VMO1: variants seen among roughly 807,000 people sequenced by gnomAD.
VMO1 encodes vitelline membrane outer layer protein 1 homolog.
Under a neutral mutation model 10.1 loss-of-function variants are expected in VMO1, and 13 were observed. The ratio of observed to expected loss-of-function variants is 1.29; its 90% confidence interval spans 0.84 to 2.05. The LOEUF (loss-of-function observed/expected upper bound fraction) is 2.05. VMO1 is among the 30% of genes most tolerant of loss of function. The pLI, the probability that VMO1 is intolerant of heterozygous loss-of-function variation, is 0.00. For synonymous variants in VMO1, 117 were observed against 122.2 expected, an observed-to-expected ratio of 0.96 and a Z score of 0.28; for missense variants, 304 against 276.9, an observed-to-expected ratio of 1.10 and a Z score of -0.70.
rs756015061 is a variant in VMO1 at position 4,786,030 on chromosome 17, G to A, written c.218C>T (p.Pro73Leu). ...CCCATTCAGTGCAGTGTCGTCGCCA[G>A]GAATGCCTTGGGGAGGCTCCACCTG... The part of the protein sequence containing the change: ...SLKVEPPQGI[P>L]GDDTALNGIR... Residue 73 changes from proline to leucine, a missense_variant, in exon 2 of 3, where the codon CCT becomes CTT. Coordinates refer to ENST00000328739, the MANE Select transcript of VMO1 (RefSeq NM_182566.3). 1.2e-5 allele frequency: 19 copies of A among 1,614,118 alleles called. No individual in the cohort carries two copies. The African/African-American group carries it at 1.9e-4, about 16-fold the overall frequency.
Position 4,785,540 on chromosome 17 carries a change from A to G in VMO1, c.431T>C (p.Phe144Ser). 6.2e-7 allele frequency: 1 copy of G among 1,614,196 alleles called. No individual in the cohort carries two copies. ...GDNTAANNVR[F>S]RCSDGEELQG... ...CAGTTCCTCGCCGTCTGAACAGCGGAAGCGCACGTTGTTCGCTGCTGTGTT... is the reference window on the plus strand; with the variant it reads ...CAGTTCCTCGCCGTCTGAACAGCGGGAGCGCACGTTGTTCGCTGCTGTGTT... Residue 144 changes from phenylalanine to serine, a missense_variant, in exon 3 of 3, where the codon TTC (phenylalanine) becomes TCC (serine). Phe to Ser is a radical substitution (Grantham distance 155). Coordinates refer to ENST00000328739, the MANE Select transcript of VMO1 (RefSeq NM_182566.3).
rs1319434660 is a variant in VMO1, at chr17:4,785,296, AAGCTTTAAT to A, written c.*57_*65del. On this transcript the variant is annotated 3_prime_UTR_variant, in exon 3 of 3. Transcript: ENST00000328739. ...AGGCGAGACCAAAGTCAACTCAGAG[AAGCTTTAAT>A]AGCAAGAGGTGGGACTAGCCTCCTG... 15 of 1,518,120 alleles carry A rather than the reference AAGCTTTAAT, an allele frequency of 9.9e-6. No individual in the cohort carries two copies. The highest frequency in any genetic ancestry group is 2.6e-6 in the Non-Finnish European group (3 of 1,138,166). 94.0% of individuals were successfully genotyped at this position (1,518,120 alleles called of 1,614,324 possible).
At position 4,785,329 on chromosome 17, in the gene VMO1, T is replaced by C. The variant is rs984384260; in HGVS notation, c.*33A>G. 14 of 1,581,280 alleles carry C rather than the reference T, an allele frequency of 8.9e-6. No homozygotes were observed. Among genetic ancestry groups the C allele is most frequent in the Non-Finnish European group, 1.2e-5 (14 of 1,163,810 alleles). On this transcript the variant is annotated 3_prime_UTR_variant, in exon 3 of 3. Coordinates refer to ENST00000328739, the MANE Select transcript of VMO1 (RefSeq NM_182566.3). ...ATAGCAAGAGGTGGGACTAGCCTCCTGGCCCGGGAGAGAGCGGCGGCGGCG... is the reference window on the plus strand; with the variant it reads ...ATAGCAAGAGGTGGGACTAGCCTCCCGGCCCGGGAGAGAGCGGCGGCGGCG...
rs1296235569 is a variant in VMO1, at chr17:4,785,312, A to T, written c.*50T>A. 8 of 1,544,948 alleles carry T rather than the reference A, an allele frequency of 5.2e-6. No homozygotes were observed. Among genetic ancestry groups the T allele is most frequent in the Non-Finnish European group, 7.0e-6 (8 of 1,150,480 alleles). On this transcript the variant is annotated 3_prime_UTR_variant, in exon 3 of 3. Transcript: ENST00000328739. ...AACTCAGAGAAGCTTTAATAGCAAG[A>T]GGTGGGACTAGCCTCCTGGCCCGGG...
rs769628528 is a variant in VMO1 at position 4,785,360 on chromosome 17, G to A, written c.*2C>T. The A allele has an allele frequency of 4.4e-6, 7 of 1,599,828 alleles. No individual in the cohort carries two copies. The highest frequency in any genetic ancestry group is 6.0e-6 in the Non-Finnish European group (7 of 1,171,428). ...GGGAGAGAGCGGCGGCGGCGGCGCC[G>A]TTCAACTGCGGCAGCAGAATAAGCG... On this transcript the variant is annotated 3_prime_UTR_variant, in exon 3 of 3. Transcript: ENST00000328739.
Position 4,786,358 on chromosome 17 carries a change from A to G in VMO1, c.-6T>C, listed in dbSNP as rs188599316. On this transcript the variant is annotated 5_prime_UTR_variant, in exon 1 of 3. Coordinates refer to ENST00000328739, the MANE Select transcript of VMO1 (RefSeq NM_182566.3). ...GCTCCTGCGCCCCGCTCCATCCTGT[A>G]GCGTCTGTGAATCAGGCCTCCTAAG... 673 of 1,557,788 alleles carry G rather than the reference A, an allele frequency of 4.3e-4. 7 individuals are homozygous for G. The African/African-American group carries it at 8.2e-3, about 19-fold the overall frequency.
In VMO1 at chr17:4,785,848, G is replaced by A. The variant is rs1253233754; in HGVS notation, c.311+89C>T. 61 of 1,581,932 alleles carry A rather than the reference G, an allele frequency of 3.9e-5. No homozygotes were observed. The Admixed American group carries it at 1.1e-3, about 29-fold the overall frequency. ...GTCTATACTGCCCCGTAGCTCTGGC[G>A]GAGCCAGCCTGCCTGTTGCGACGGA... On this transcript the variant is annotated intron_variant, in intron 2 of 2. Coordinates refer to ENST00000328739, the MANE Select transcript of VMO1 (RefSeq NM_182566.3).
In VMO1 at chr17:4,786,318, A is replaced by G; in HGVS notation, c.35T>C (p.Leu12Pro). ...ACCAGTCGCCCGCAGAAGCAGCAGC[A>G]GCGGCAGCAGCTTGGCTCCTGCGCC... Reference protein sequence around the residue: ...ERGAGAKLLPLLLLLRATGFT... With the variant: ...ERGAGAKLLPPLLLLRATGFT... The change falls in exon 1 of 3, where the codon CTG becomes CCG. Residue 12 changes from leucine to proline, a missense_variant. Leu to Pro is a moderately conservative substitution (Grantham distance 98). Transcript: ENST00000328739. The G allele has an allele frequency of 6.3e-7, 1 of 1,597,176 alleles. No individual in the cohort carries two copies. Among genetic ancestry groups the G allele is most frequent in the South Asian group, 1.1e-5 (1 of 90,030 alleles).
Position 4,785,933 on chromosome 17 carries a change from C to G in VMO1, c.311+4G>C, listed in dbSNP as rs762100103. 1 of 1,614,224 alleles carries G rather than the reference C, an allele frequency of 6.2e-7. No individual in the cohort carries two copies. The highest frequency in any genetic ancestry group is 8.5e-7 in the Non-Finnish European group (1 of 1,180,042). On this transcript the variant is annotated splice_donor_region_variant and intron_variant, in intron 2 of 2. Transcript: ENST00000328739. The stretch of plus-strand genomic sequence containing the variant: ...CCAAGGGATCCTCGACCCCTGCGCC[C>G]CACCTTCCAGACTGGGACTCTACCA...
chr17:4,786,122 C>G (rs1048232046), intron 1 of VMO1, 36 bp downstream of exon 1: 14 of 1,611,032 alleles, frequency 8.7e-6, no homozygotes, highest in Non-Finnish European at 1.1e-5. Context: ...TCCCACGCAT[C>G]TCCGCCCTCT....
In VMO1 at chr17:4,785,998, G is replaced by C. The variant is rs1297503064; in HGVS notation, c.250C>G (p.Leu84Val). ...AGGACGTTCCCGCGCGCGCAGTGCA[G>C]CCTGATCCCATTCAGTGCAGTGTCG... is the stretch of plus-strand genomic sequence containing the variant. The part of the protein sequence containing the change: ...GDDTALNGIR[L>V]HCARGNVLGN... The change falls in exon 2 of 3, where the codon CTG becomes GTG. Residue 84 changes from leucine to valine, a missense_variant. By Grantham distance (32) the Leu-to-Val change is conservative (BLOSUM62 1). Coordinates refer to ENST00000328739, the MANE Select transcript of VMO1 (RefSeq NM_182566.3). 6.2e-7 allele frequency: 1 copy of C among 1,614,178 alleles called. No individual in the cohort carries two copies.
rs951802985 is a variant in VMO1, at chr17:4,785,308, C to T, written c.*54G>A. On this transcript the variant is annotated 3_prime_UTR_variant, in exon 3 of 3. Transcript: ENST00000328739. ...AGTCAACTCAGAGAAGCTTTAATAG[C>T]AAGAGGTGGGACTAGCCTCCTGGCC... is the stretch of plus-strand genomic sequence containing the variant. 7 of 1,537,610 alleles carry T rather than the reference C, an allele frequency of 4.6e-6. No homozygotes were observed. Among genetic ancestry groups the T allele is most frequent in the African/African-American group, 2.8e-5 (2 of 72,100 alleles).
rs1371951492 is a variant in VMO1 at position 4,785,930 on chromosome 17, G to A, written c.311+7C>T. 3.3e-5 allele frequency: 54 copies of A among 1,614,028 alleles called. No homozygotes were observed. Among genetic ancestry groups the A allele is most frequent in the Non-Finnish European group, 4.5e-5 (53 of 1,180,024 alleles). On this transcript the variant is annotated splice_region_variant and intron_variant, in intron 2 of 2. Transcript: ENST00000328739. ...ACCCCAAGGGATCCTCGACCCCTGC[G>A]CCCCACCTTCCAGACTGGGACTCTA...
Position 4,785,523 on chromosome 17 carries a change from C to A in VMO1, c.448G>T (p.Glu150Ter). The A allele has an allele frequency of 6.2e-7, 1 of 1,614,244 alleles. No homozygotes were observed. Among genetic ancestry groups the A allele is most frequent in the Non-Finnish European group, 8.5e-7 (1 of 1,180,044 alleles). ...CTCAGCCCAGGCCCCTGCAGTTCCT[C>A]GCCGTCTGAACAGCGGAAGCGCACG... The part of the protein sequence containing the change: ...NNVRFRCSDG[E>*]ELQGPGLSWG... Residue 150 changes from glutamate (E) to a stop codon, truncating the protein, a stop_gained, in exon 3 of 3, where the codon GAG becomes TAG. Coordinates refer to ENST00000328739, the MANE Select transcript of VMO1 (RefSeq NM_182566.3). LOFTEE classifies it low-confidence loss of function (END_TRUNC).
chr17:4,785,469 G>T lies in VMO1; in HGVS notation c.502C>A (p.His168Asn), dbSNP rs1917446585. The T allele has an allele frequency of 1.2e-6, 2 of 1,614,118 alleles. No homozygotes were observed. The stretch of plus-strand genomic sequence containing the variant: ...AGGCCGCACGCGCCCTTGGGGCAAT[G>T]GTCACTCCAGTCTCCAAAGTCTCCC... ...SWGDFGDWSD[H>N]CPKGACGLQT... Residue 168 changes from histidine to asparagine, a missense_variant, in exon 3 of 3, where the codon CAT becomes AAT. Physicochemically the swap from His to Asn is moderately conservative, Grantham distance 68. Coordinates refer to ENST00000328739, the MANE Select transcript of VMO1 (RefSeq NM_182566.3).
Position 4,786,251 on chromosome 17 carries a change from C to A in VMO1, c.102G>T (p.Ala34=). The A allele has an allele frequency of 1.2e-6, 2 of 1,612,164 alleles. No individual in the cohort carries two copies. Among genetic ancestry groups the A allele is most frequent in the Non-Finnish European group, 1.7e-6 (2 of 1,179,420 alleles). Residue 34 remains alanine (A), a synonymous_variant, in exon 1 of 3, where the codon GCG becomes GCT. Coordinates refer to ENST00000328739, the MANE Select transcript of VMO1 (RefSeq NM_182566.3). The part of the protein sequence containing the change: ...AQTDGRNGYT[A]VIEVTSGGPW... ...GACCCCCGCTGGTCACTTCGATGAC[C>A]GCCGTGTAGCCGTTCCGGCCATCTG...
chr17:4,785,582 G>C lies in VMO1; in HGVS notation c.389C>G (p.Pro130Arg). Residue 130 changes from proline (P) to arginine (R), a missense_variant, in exon 3 of 3, where the codon CCC (proline) becomes CGC (arginine). Physicochemically the swap from Pro to Arg is moderately radical, Grantham distance 103. Transcript: ENST00000328739. Reference sequence around the variant, plus strand: ...TGCTGTGTTGTCACCGAGGGTCGTGGGTGCCTCCACGCGAAGCGAGAAAGC... The same window carrying C: ...TGCTGTGTTGTCACCGAGGGTCGTGCGTGCCTCCACGCGAAGCGAGAAAGC... ...LVAFSLRVEA[P>R]TTLGDNTAAN... 1 of 1,613,858 alleles carries C rather than the reference G, an allele frequency of 6.2e-7. No homozygotes were observed. Among genetic ancestry groups the C allele is most frequent in the Non-Finnish European group, 8.5e-7 (1 of 1,180,036 alleles).
rs887545569 is a variant in VMO1 at position 4,785,920 on chromosome 17, C to T, written c.311+17G>A. 5 of 1,614,152 alleles carry T rather than the reference C, an allele frequency of 3.1e-6. No individual in the cohort carries two copies. Among genetic ancestry groups the T allele is most frequent in the Non-Finnish European group, 4.2e-6 (5 of 1,180,014 alleles). On this transcript the variant is annotated intron_variant, in intron 2 of 2. Transcript: ENST00000328739. ...ACATACCATCACCCCAAGGGATCCT[C>T]GACCCCTGCGCCCCACCTTCCAGAC...
rs1177509492 is a variant in VMO1 at position 4,786,179 on chromosome 17, G to A, written c.174C>T (p.Phe58=). 1.2e-5 allele frequency: 19 copies of A among 1,602,046 alleles called. No homozygotes were observed. Among genetic ancestry groups the A allele is most frequent in the Admixed American group, 3.4e-5 (2 of 59,426 alleles). The stretch of plus-strand genomic sequence containing the variant: ...CAACCTTGAGCGAGAACCCGCTGGC[G>A]AAGAATCCATCGGGACACATCTCAG... ...AWPEMCPDGF[F]ASGFSLKVEP... Residue 58 remains phenylalanine, a synonymous_variant, in exon 1 of 3, where the codon TTC becomes TTT. Transcript: ENST00000328739.
Sources: gnomAD v4.1 joint callset for allele counts on GRCh38, gnomAD v4.1.1 for gene constraint, MANE v1.5 for transcripts, NCBI Gene and HGNC (gene_info 2026-07-23, HGNC 2026-07-21) for gene names.